The following CDC42BPA variants were observed in gnomAD, a reference collection of about 807,000 sequenced individuals.
CDC42BPA encodes the protein CDC42 binding protein kinase alpha.
Under a neutral mutation model 223.5 loss-of-function variants are expected in CDC42BPA, and 80 were observed. That is an observed-to-expected ratio of 0.36 (90% CI 0.30 to 0.43). CDC42BPA has a LOEUF of 0.43. Ranked by LOEUF, CDC42BPA falls within the 20% of genes least tolerant of loss-of-function variation. The pLI is 1.00. For missense variants in CDC42BPA, 1,743 were observed against 2,099.9 expected, an observed-to-expected ratio of 0.83 and a Z score of 3.32; for synonymous variants, 694 against 718.6, an observed-to-expected ratio of 0.97 and a Z score of 0.55.
chr1:227,035,389 T>A (rs1392973492), intron 25 of CDC42BPA, 82 bp downstream of exon 25: 3 of 1,015,272 alleles, frequency 3.0e-6, no homozygotes, highest in Non-Finnish European at 4.4e-6. Flanking sequence ...TCAAGAACTA[T>A]CCTCTTAAAC....
chr1:227,017,141 A>G (rs1331669447), intron 32 of CDC42BPA, 91 bp from the exon 33 acceptor site: 2 of 1,168,762 alleles, frequency 1.7e-6, no homozygotes, highest in Non-Finnish European at 2.4e-6. Flanking sequence ...ACAAACATTG[A>G]TAGTACAAGT....
intron 21 of CDC42BPA, among the ~76,000 whole-genome samples, chr1:227,061,558 A>G (rs954367390): frequency 6.6e-6 from 1 of 152,160 alleles, no homozygotes; most frequent in Non-Finnish European, 1.5e-5. Flanking sequence ...TAAACTCCCA[A>G]TTAACTTCTA....
At chr1:227,129,714 T>TATATATATATATATATATATATATACAC (rs140091366) in intron 10 of CDC42BPA, among the ~76,000 whole-genome samples, 6 of 105,806 alleles carry the variant, frequency 5.7e-5, no homozygotes, top group Admixed American at 2.0e-4. Flanking sequence ...TATATATATA[T>TATATATATATATATATATATATATACAC]ACAAAAGAAT....
chr1:227,196,338 C>CTTTTTTTTTTTTTTTCTT (rs1553388920), intron 4 of CDC42BPA, among the ~76,000 whole-genome samples: 1 of 92,352 alleles, frequency 1.1e-5, no homozygotes, highest in African/African-American at 4.7e-5. Flanking sequence ...TTAAACAATA[C>CTTTTTTTTTTTTTTTCTT]TTTTTTTTTT....
intron 17 of CDC42BPA, among the ~76,000 whole-genome samples, chr1:227,076,408 C>T (rs1240326587): frequency 6.6e-6 from 1 of 152,142 alleles, no homozygotes; most frequent in Non-Finnish European, 1.5e-5. Context: ...TGGCACATGC[C>T]ACCACGCCTG....
intron 5 of CDC42BPA, among the ~76,000 whole-genome samples, chr1:227,187,679 ACCC>A (rs1177264278): frequency 5.5e-4 from 3 of 5,480 alleles, no homozygotes; most frequent in Admixed American, 1.9e-3. Context: ...GGCACCCCCC[ACCC>A]CCCCCCCAAA....
intron 1 of CDC42BPA, among the ~76,000 whole-genome samples, chr1:227,261,537 A>C (rs1340503735): frequency 6.9e-6 from 1 of 144,972 alleles, no homozygotes; most frequent in African/African-American, 2.9e-5. Context: ...AATAAAACAA[A>C]CAACCATGAG....
At chr1:227,200,257 C>A (rs920850371) in intron 3 of CDC42BPA, among the ~76,000 whole-genome samples, 1 of 151,954 alleles carries the variant, frequency 6.6e-6, no homozygotes, top group African/African-American at 2.4e-5. Context: ...ATGGTGAAAA[C>A]CTGTCTCTAA....
chr1:227,049,602 G>A (rs1481492611), intron 22 of CDC42BPA, among the ~76,000 whole-genome samples: 1 of 152,078 alleles, frequency 6.6e-6, no homozygotes, highest in African/African-American at 2.4e-5. Context: ...AGAAAAGGAA[G>A]AAGGTATGTG....
chr1:227,238,328 C>T (rs1039048517), intron 2 of CDC42BPA, among the ~76,000 whole-genome samples: 4 of 150,662 alleles, frequency 2.7e-5, no homozygotes, highest in Admixed American at 6.6e-5. Flanking sequence ...ACTACACTGG[C>T]GAGACCCTGT....
At chr1:227,192,966 C>G (rs1669964627) in intron 5 of CDC42BPA, among the ~76,000 whole-genome samples, 1 of 151,772 alleles carries the variant, frequency 6.6e-6, no homozygotes, top group Admixed American at 6.6e-5. Context: ...GGAAACTGAC[C>G]AATGCATACT....
At chr1:227,240,254 A>G (rs1285506930) in intron 2 of CDC42BPA, among the ~76,000 whole-genome samples, 1 of 152,064 alleles carries the variant, frequency 6.6e-6, no homozygotes, top group Non-Finnish European at 1.5e-5. Context: ...ACTATAAAAC[A>G]TCCTTGAGAA....
intron 16 of CDC42BPA, among the ~76,000 whole-genome samples, chr1:227,082,979 T>C (rs1053820415): frequency 6.6e-6 from 1 of 152,174 alleles, no homozygotes; most frequent in Admixed American, 6.5e-5. Context: ...TAGAATTTTA[T>C]GTTGGTTGGT....
intron 31 of CDC42BPA, 119 bp from the exon 32 acceptor site, chr1:227,023,466 C>A (rs922008536): frequency 2.0e-5 from 10 of 504,722 alleles, no homozygotes; most frequent in African/African-American, 2.0e-4. Context: ...CTTCAAAATG[C>A]AGCCCTCTCA....
chr1:227,118,712 G>C (rs549566005), intron 12 of CDC42BPA, among the ~76,000 whole-genome samples: 19 of 152,022 alleles, frequency 1.2e-4, no homozygotes, highest in Admixed American at 1.1e-3. Flanking sequence ...CGCCGATTAT[G>C]TTAACTAAAT....
intron 5 of CDC42BPA, among the ~76,000 whole-genome samples, chr1:227,188,703 G>A (rs1669230908): frequency 6.6e-6 from 1 of 152,156 alleles, no homozygotes; most frequent in Non-Finnish European, 1.5e-5. Flanking sequence ...GGGAAGGGAG[G>A]AATAAAGAGG....
intron 4 of CDC42BPA, 43 bp from the exon 5 acceptor site, chr1:227,193,977 G>A: frequency 6.9e-7 from 1 of 1,439,224 alleles, no homozygotes; most frequent in East Asian, 2.4e-5. Flanking sequence ...AACTAATAAG[G>A]GTGAAAAATC....
chr1:227,314,770 G>C (rs1487946373), intron 1 of CDC42BPA, among the ~76,000 whole-genome samples: 1 of 118,952 alleles, frequency 8.4e-6, no homozygotes, highest in Non-Finnish European at 1.8e-5. Flanking sequence ...TTAAATAAAA[G>C]ACAATATTTT....
At chr1:227,119,750 T>C (rs1310095436) in intron 12 of CDC42BPA, 54 bp downstream of exon 12, 20 of 1,189,590 alleles carry the variant, frequency 1.7e-5, no homozygotes, top group Non-Finnish European at 2.3e-5. Context: ...GTATTCTTAT[T>C]ATACAAGATT....
Sources: gnomAD v4.1 joint callset for allele counts (sites outside exome capture counted in the v4.1 genomes callset) on GRCh38, gnomAD v4.1.1 for gene constraint, MANE v1.5 for transcripts, NCBI Gene and HGNC (gene_info 2026-07-23, HGNC 2026-07-21) for gene names.